The following PTPRN2 variants were observed in gnomAD, a reference collection of about 807,000 sequenced individuals.
The protein encoded by PTPRN2 is protein tyrosine phosphatase receptor type N2.
PTPRN2 carries 74 observed loss-of-function variants against 118.8 expected under a neutral mutation model. That is an observed-to-expected ratio of 0.62 (90% CI 0.52 to 0.76). The LOEUF (loss-of-function observed/expected upper bound fraction) is 0.76. Ranked by LOEUF, PTPRN2 falls within the 30% of genes least tolerant of loss-of-function variation. PTPRN2 has a pLI of 0.00. For synonymous variants in PTPRN2, 641 were observed against 608.0 expected (o/e 1.05, Z -0.80); for missense variants, 1,481 against 1,394.4 (o/e 1.06, Z -0.99).
chr7:158,497,308 C>T (rs898414873), intron 1 of PTPRN2, among the ~76,000 whole-genome samples: 1 of 148,554 alleles, frequency 6.7e-6, no homozygotes, highest in African/African-American at 2.5e-5. Context: ...CCCAGCCCCA[C>T]CCTGCCCACT....
At chr7:157,666,393 A>G (rs1796137206) in intron 13 of PTPRN2, among the ~76,000 whole-genome samples, 1 of 152,206 alleles carries the variant, frequency 6.6e-6, no homozygotes, top group Non-Finnish European at 1.5e-5. Flanking sequence ...CGCATTTGCA[A>G]TAATGGAAAA....
intron 12 of PTPRN2, among the ~76,000 whole-genome samples, chr7:157,708,788 C>T (rs34655116): frequency 0.23 from 34,241 of 152,128 alleles, 3,905 homozygotes; most frequent in Non-Finnish European, 0.25. Context: ...CAAAGAATGG[C>T]TATAATCACC....
rs780449624 is a variant in PTPRN2 at position 157,621,524 on chromosome 7, C to G, written c.2197-15G>C. ...TCCATGTAGGACTGAAAGGGAAACA[C>G]AGGGTCAGGAGCGCACCTAGGTGGT... On this transcript the variant is annotated splice_polypyrimidine_tract_variant and intron_variant, in intron 14 of 22. Coordinates refer to ENST00000389418, the MANE Select transcript of PTPRN2 (RefSeq NM_002847.5). 6.2e-7 allele frequency: 1 copy of G among 1,611,020 alleles called. No homozygotes were observed. Among genetic ancestry groups the G allele is most frequent in the Non-Finnish European group, 8.5e-7 (1 of 1,179,984 alleles).
intron 2 of PTPRN2, among the ~76,000 whole-genome samples, chr7:158,319,671 T>TCA (rs556870561): frequency 5.5e-4 from 2 of 3,606 alleles, no homozygotes. Context: ...ACAGCCTCCC[T>TCA]CACACACACA....
chr7:158,198,239 T>C (rs769394308), intron 4 of PTPRN2, among the ~76,000 whole-genome samples: 13 of 152,210 alleles, frequency 8.5e-5, no homozygotes, highest in Admixed American at 3.9e-4. Flanking sequence ...GATGCTGCAG[T>C]ATGTTACGGC....
At position 157,656,451 on chromosome 7, in the gene PTPRN2, G is replaced by A. The variant is rs1003043825; in HGVS notation, c.2102C>T (p.Pro701Leu). ...SSVSSQFSDG[P>L]IPSPSARSSA... ...GCTGCGTGCGGAGGGGCTGGGGATC[G>A]GCCCGTCGCTGAACTGGGATGAGAC... The change falls in exon 14 of 23, where the codon CCG (proline) becomes CTG (leucine). Residue 701 changes from proline (P) to leucine (L), a missense_variant. Around this residue, in one of 3 missense-constraint regions of PTPRN2, gnomAD observed 1,115 missense variants for 994.2 expected, o/e 1.12. Transcript: ENST00000389418. 5.1e-6 allele frequency: 8 copies of A among 1,553,904 alleles called. No homozygotes were observed. Among genetic ancestry groups the A allele is most frequent in the Non-Finnish European group, 7.0e-6 (8 of 1,150,098 alleles).
chr7:158,098,577 G>A (rs1008472765), intron 10 of PTPRN2, among the ~76,000 whole-genome samples: 2 of 152,208 alleles, frequency 1.3e-5, no homozygotes, highest in African/African-American at 4.8e-5. Flanking sequence ...CACGGGCGAG[G>A]CCCAGCTGCT....
At chr7:158,203,161 G>C (rs1254486671) in intron 4 of PTPRN2, among the ~76,000 whole-genome samples, 1 of 143,966 alleles carries the variant, frequency 6.9e-6, no homozygotes, top group Non-Finnish European at 1.5e-5. Context: ...GAACCCAAGA[G>C]GTGGAGGCTG....
chr7:158,438,521 C>T lies in PTPRN2; in HGVS notation c.163+51214G>A, dbSNP rs1047812503. Among the ~76,000 whole-genome samples the T allele has an allele frequency of 3.3e-5, 5 of 152,138 alleles. No individual in the cohort carries two copies. Among genetic ancestry groups the T allele is most frequent in the Admixed American group, 6.5e-5 (1 of 15,282 alleles). ...TGGCCTCTCAAATCCCGGTTGCCTC[C>T]GCAGCTCCCCAAAGCAGGCATTCTG... On this transcript the variant is annotated intron_variant, in intron 2 of 22. Coordinates refer to ENST00000389418, the MANE Select transcript of PTPRN2 (RefSeq NM_002847.5). The surrounding 1 kb of genome is among the most constrained non-coding windows in gnomAD (Gnocchi z 4.7).
At chr7:158,052,439 A>C (rs1809399348) in intron 11 of PTPRN2, among the ~76,000 whole-genome samples, 1 of 152,300 alleles carries the variant, frequency 6.6e-6, no homozygotes, top group East Asian at 1.9e-4. Flanking sequence ...TAATGAAATA[A>C]AATTAAGTGT....
Position 158,245,669 on chromosome 7 carries a change from G to A in PTPRN2, c.278-40396C>T, listed in dbSNP as rs745732711. Among the ~76,000 whole-genome samples the A allele has an allele frequency of 4.6e-5, 7 of 152,090 alleles. 1 individual carries two copies. The highest frequency in any genetic ancestry group is 2.1e-4 in the South Asian group (1 of 4,826). ...AAGGCAACTCTGCACATCCAAATTC[G>A]CATGGATGGGAGCTGCCTTCTAGGC... is the stretch of plus-strand genomic sequence containing the variant. On this transcript the variant is annotated intron_variant, in intron 3 of 22. Coordinates refer to ENST00000389418, the MANE Select transcript of PTPRN2 (RefSeq NM_002847.5).
rs1300787927 is a variant in PTPRN2 at position 158,316,737 on chromosome 7, C to T, written c.277+82G>A. 21 of 1,048,566 alleles carry T rather than the reference C, an allele frequency of 2.0e-5. No homozygotes were observed. The East Asian group carries it at 5.5e-4, about 27-fold the overall frequency. The allele number at this position is 1,048,566 out of a possible 1,614,324, so 65.0% of individuals were successfully genotyped here. On this transcript the variant is annotated intron_variant, in intron 3 of 22. Transcript: ENST00000389418. ...CTCGTGGATTCAGTCCGTCCCAGCT[C>T]CTCACCGCCCAGGAGGAGAAGCCAA...
intron 6 of PTPRN2, among the ~76,000 whole-genome samples, chr7:158,149,265 C>G (rs942006893): frequency 2.0e-5 from 3 of 152,292 alleles, no homozygotes; most frequent in Admixed American, 1.3e-4. Flanking sequence ...ACCCAATTTC[C>G]AACCAAAAGA....
intron 3 of PTPRN2, among the ~76,000 whole-genome samples, chr7:158,225,017 G>A (rs1828646955): frequency 6.6e-6 from 1 of 152,014 alleles, no homozygotes; most frequent in Non-Finnish European, 1.5e-5. Flanking sequence ...ACAATGAGAT[G>A]CCACCACACA....
At chr7:157,920,018 C>G (rs1273294389) in intron 11 of PTPRN2, among the ~76,000 whole-genome samples, 2 of 152,210 alleles carry the variant, frequency 1.3e-5, no homozygotes, top group African/African-American at 4.8e-5. Context: ...GCAGCGCTGT[C>G]CCATACAACC....
rs979530310 is a variant in PTPRN2, at chr7:157,780,555, C to T, written c.1789-97618G>A. The stretch of plus-strand genomic sequence containing the variant: ...GCAGCCAAGTCAGGCATACAGCAGC[C>T]CTCTTGCTGGCTTCCAGTACTGGCT... On this transcript the variant is annotated intron_variant, in intron 12 of 22. Coordinates refer to ENST00000389418, the MANE Select transcript of PTPRN2 (RefSeq NM_002847.5). This position sits in a 1 kb window ranked among gnomAD's most constrained non-coding sequence, Gnocchi z 4.5. Among the ~76,000 whole-genome samples, 4 of 152,286 alleles carry T rather than the reference C, an allele frequency of 2.6e-5. No homozygotes were observed. Among genetic ancestry groups the T allele is most frequent in the African/African-American group, 9.6e-5 (4 of 41,564 alleles).
At chr7:158,213,995 A>T (rs1184546024) in intron 3 of PTPRN2, among the ~76,000 whole-genome samples, 1 of 152,154 alleles carries the variant, frequency 6.6e-6, no homozygotes, top group Non-Finnish European at 1.5e-5. Flanking sequence ...ACTACTCAGA[A>T]TCATCTGTAC....
intron 11 of PTPRN2, among the ~76,000 whole-genome samples, chr7:157,954,910 A>T (rs1801089754): frequency 6.6e-6 from 1 of 152,230 alleles, no homozygotes; most frequent in Non-Finnish European, 1.5e-5. Flanking sequence ...AAATTAAAAG[A>T]ATAATAAACC....
intron 3 of PTPRN2, among the ~76,000 whole-genome samples, chr7:158,278,088 A>G (rs1563079855): frequency 6.6e-6 from 1 of 152,188 alleles, no homozygotes; most frequent in African/African-American, 2.4e-5. Flanking sequence ...TATGGCTCCT[A>G]TGAGAAAACA....
Sources: allele counts gnomAD v4.1 joint callset (sites outside exome capture counted in the v4.1 genomes callset), GRCh38; gene constraint gnomAD v4.1.1; regional missense constraint gnomAD v4.1.1; non-coding constraint Gnocchi (gnomAD v3.1); transcripts MANE v1.5; gene names NCBI Gene and HGNC (gene_info 2026-07-23, HGNC 2026-07-21).